The following FSHR variants were observed in gnomAD, a reference collection of about 807,000 sequenced individuals.
FSHR encodes the protein follicle stimulating hormone receptor, also known as follicle-stimulating hormone receptor.
Under a neutral mutation model 52.1 loss-of-function variants are expected in FSHR, and 46 were observed. That is an observed-to-expected ratio of 0.88 (90% CI 0.70 to 1.13). The LOEUF (loss-of-function observed/expected upper bound fraction) is 1.13. Among genes scored for constraint, FSHR ranks in the 50% most tolerant of loss-of-function variants. The pLI is 0.00. For missense variants in FSHR, 964 were observed against 834.6 expected (o/e 1.16, Z -1.91); for synonymous variants, 399 against 309.6 (o/e 1.29, Z -3.03).
intron 9 of FSHR, among the ~76,000 whole-genome samples, chr2:48,966,930 A>AC (rs1269945712): frequency 6.6e-6 from 1 of 152,060 alleles, no homozygotes; most frequent in African/African-American, 2.4e-5. Context: ...ATCAGAGAAG[A>AC]CCTCATGTCC....
At chr2:49,070,657 AG>A (rs1284599065) in intron 1 of FSHR, among the ~76,000 whole-genome samples, 1 of 152,136 alleles carries the variant, frequency 6.6e-6, no homozygotes, top group Admixed American at 6.6e-5. Flanking sequence ...TTTTTGATTC[AG>A]CCCCAGTAGT....
chr2:49,115,237 C>G (rs556769809), intron 1 of FSHR, among the ~76,000 whole-genome samples: 1 of 151,798 alleles, frequency 6.6e-6, no homozygotes, highest in East Asian at 1.9e-4. Context: ...GACACACTAC[C>G]TTAATACCTC....
intron 4 of FSHR, among the ~76,000 whole-genome samples, chr2:48,999,543 C>T (rs1344152757): frequency 6.6e-6 from 1 of 152,030 alleles, no homozygotes; most frequent in Non-Finnish European, 1.5e-5. Context: ...TTACTATGTC[C>T]AAGTAACTGT....
chr2:49,132,173 G>C (rs1672301594), intron 1 of FSHR, among the ~76,000 whole-genome samples: 1 of 152,144 alleles, frequency 6.6e-6, no homozygotes, highest in South Asian at 2.1e-4. Flanking sequence ...TCTGGATGAT[G>C]TACTGCTTTG....
intron 8 of FSHR, among the ~76,000 whole-genome samples, chr2:48,981,920 A>G (rs1675266599): frequency 6.6e-6 from 1 of 152,216 alleles, no homozygotes; most frequent in African/African-American, 2.4e-5. Flanking sequence ...AAGGCAGGCT[A>G]CATAAGGATC....
chr2:48,980,354 C>G (rs2300437), intron 8 of FSHR, among the ~76,000 whole-genome samples: 1 of 152,004 alleles, frequency 6.6e-6, no homozygotes, highest in Admixed American at 6.5e-5. Flanking sequence ...GTAAGAAGGA[C>G]AAAACAATGG....
intron 1 of FSHR, among the ~76,000 whole-genome samples, chr2:49,112,272 A>T (rs919356630): frequency 2.6e-5 from 4 of 152,170 alleles, no homozygotes; most frequent in African/African-American, 9.7e-5. Flanking sequence ...TGTGTAAGGG[A>T]AATGCCATTT....
intron 1 of FSHR, among the ~76,000 whole-genome samples, chr2:49,141,919 T>G (rs1327420530): frequency 6.6e-6 from 1 of 152,174 alleles, no homozygotes; most frequent in African/African-American, 2.4e-5. Flanking sequence ...CTGAGTGACT[T>G]TGGGCTAATT....
rs377737086 is a variant in FSHR, at chr2:49,007,221, TATAAGA to T, written c.374+10262_374+10267del. On this transcript the variant is annotated intron_variant, in intron 4 of 9. Coordinates refer to ENST00000406846, the MANE Select transcript of FSHR (RefSeq NM_000145.4). ...AGTAAACATAGCTAAGCACGAAAAG[TATAAGA>T]ATGATTCATTGTGTAGGGACATTGC... 1.5e-4 allele frequency among the ~76,000 whole-genome samples: 23 copies of T among 152,188 alleles called. 1 individual carries two copies. Among genetic ancestry groups the T allele is most frequent in the African/African-American group, 5.3e-4 (22 of 41,550 alleles).
At chr2:49,063,543 T>C (rs1192950162) in intron 2 of FSHR, among the ~76,000 whole-genome samples, 3 of 152,082 alleles carry the variant, frequency 2.0e-5, no homozygotes, top group African/African-American at 7.2e-5. Flanking sequence ...TTGGAGGATA[T>C]TATGTTAAGT....
At chr2:49,143,363 A>T (rs1672756864) in intron 1 of FSHR, among the ~76,000 whole-genome samples, 2 of 152,228 alleles carry the variant, frequency 1.3e-5, no homozygotes, top group Non-Finnish European at 2.9e-5. Context: ...AGAATCTGCC[A>T]TATGAATTCA....
chr2:49,150,147 C>T (rs1459422509), intron 1 of FSHR, among the ~76,000 whole-genome samples: 1 of 151,916 alleles, frequency 6.6e-6, no homozygotes, highest in Non-Finnish European at 1.5e-5. Flanking sequence ...AGCTGAGTTT[C>T]TAAGATAAGT....
chr2:49,117,979 A>T (rs910939467), intron 1 of FSHR, among the ~76,000 whole-genome samples: 1 of 152,190 alleles, frequency 6.6e-6, no homozygotes, highest in Non-Finnish European at 1.5e-5. Context: ...TCACTTAGCA[A>T]ATATTGCTGA....
chr2:49,095,353 G>C (rs757324587), intron 1 of FSHR, among the ~76,000 whole-genome samples: 3 of 152,050 alleles, frequency 2.0e-5, no homozygotes, highest in Non-Finnish European at 4.4e-5. Flanking sequence ...TTTTGACAAG[G>C]GTGATGACAT....
At chr2:49,150,972 A>G (rs1348393718) in intron 1 of FSHR, among the ~76,000 whole-genome samples, 3 of 152,084 alleles carry the variant, frequency 2.0e-5, no homozygotes, top group African/African-American at 7.2e-5. Flanking sequence ...CAATTATATG[A>G]AATTCAAATT....
intron 2 of FSHR, among the ~76,000 whole-genome samples, chr2:49,051,338 C>T (rs1668847852): frequency 6.6e-6 from 1 of 152,124 alleles, no homozygotes; most frequent in Non-Finnish European, 1.5e-5. Context: ...TTCACAGCCT[C>T]ACCAGTAACC....
intron 2 of FSHR, among the ~76,000 whole-genome samples, chr2:49,049,851 A>ATATATATATATATATATATATATATT: frequency 7.0e-6 from 1 of 143,798 alleles, no homozygotes; most frequent in African/African-American, 2.6e-5. Flanking sequence ...ATATATATAT[A>ATATATATATATATATATATATATATT]ATAAAAACCA....
At chr2:49,003,087 G>A (rs1255580453) in intron 4 of FSHR, among the ~76,000 whole-genome samples, 1 of 152,146 alleles carries the variant, frequency 6.6e-6, no homozygotes, top group Non-Finnish European at 1.5e-5. Flanking sequence ...TTTGTGGATT[G>A]TTTTCTGTGG....
chr2:49,043,221 T>C (rs1430907778), intron 2 of FSHR, among the ~76,000 whole-genome samples: 2 of 147,648 alleles, frequency 1.4e-5, no homozygotes, highest in Non-Finnish European at 3.0e-5. Flanking sequence ...CTAAGAGCTC[T>C]GGTTGCACTA....
Sources: gnomAD v4.1 joint callset for allele counts (sites outside exome capture counted in the v4.1 genomes callset) on GRCh38, gnomAD v4.1.1 for gene constraint, MANE v1.5 for transcripts, NCBI Gene and HGNC (gene_info 2026-07-23, HGNC 2026-07-21) for gene names.